KCNQ5: variants seen among roughly 807,000 people sequenced by gnomAD.
KCNQ5 encodes potassium voltage-gated channel subfamily Q member 5, also known as potassium voltage-gated channel subfamily KQT member 5.
A neutral mutation model predicts 98.2 loss-of-function variants in KCNQ5; 30 were observed. That is an observed-to-expected ratio of 0.31 (90% confidence interval 0.23 to 0.41). KCNQ5 has a LOEUF of 0.41. Among genes scored for constraint, KCNQ5 ranks in the 10% least tolerant of loss-of-function variants. The pLI is 1.00. For synonymous variants in KCNQ5, 458 were observed against 449.4 expected, an observed-to-expected ratio of 1.02 and a Z score of -0.24; for missense variants, 835 against 1,182.5, an observed-to-expected ratio of 0.71 and a Z score of 4.31.
intron 2 of KCNQ5, among the ~76,000 whole-genome samples, chr6:73,020,668 C>T (rs534549167): frequency 1.3e-5 from 2 of 152,256 alleles, no homozygotes; most frequent in African/African-American, 4.8e-5. Context: ...CTTGGTCTTT[C>T]TGGTGACCAG....
chr6:72,936,783 T>A (rs1765939757), intron 1 of KCNQ5, among the ~76,000 whole-genome samples: 1 of 152,252 alleles, frequency 6.6e-6, no homozygotes, highest in Admixed American at 6.5e-5. Flanking sequence ...ATCTGTTTCT[T>A]GCCTCCGTCT....
At chr6:72,702,446 GTT>G (rs1371892728) in intron 1 of KCNQ5, among the ~76,000 whole-genome samples, 1 of 152,118 alleles carries the variant, frequency 6.6e-6, no homozygotes. Context: ...GTATGAAAAG[GTT>G]TAGGAAACAG....
intron 3 of KCNQ5, among the ~76,000 whole-genome samples, chr6:73,042,482 A>G (rs1301611227): frequency 1.3e-5 from 2 of 152,210 alleles, no homozygotes; most frequent in Non-Finnish European, 2.9e-5. Flanking sequence ...TTTGCTCTAC[A>G]ATATGACACC....
At chr6:73,033,989 T>A (rs548732148) in intron 2 of KCNQ5, among the ~76,000 whole-genome samples, 1 of 152,214 alleles carries the variant, frequency 6.6e-6, no homozygotes. Flanking sequence ...TTAGTAAGCA[T>A]GTTTTTAGGA....
chr6:72,705,784 T>C (rs1769045975), intron 1 of KCNQ5, among the ~76,000 whole-genome samples: 1 of 152,074 alleles, frequency 6.6e-6, no homozygotes, highest in African/African-American at 2.4e-5. Context: ...CTTATTACTT[T>C]AATCTGGGAG....
intron 1 of KCNQ5, among the ~76,000 whole-genome samples, chr6:72,802,653 C>G (rs1217530732): frequency 6.6e-6 from 1 of 152,094 alleles, no homozygotes; most frequent in Non-Finnish European, 1.5e-5. Context: ...GCTTTTTGCA[C>G]ATTTCTGAAT....
At chr6:73,089,507 C>T (rs956766634) in intron 5 of KCNQ5, among the ~76,000 whole-genome samples, 25 of 152,126 alleles carry the variant, frequency 1.6e-4, no homozygotes, top group African/African-American at 6.0e-4. Flanking sequence ...GTGCACCCAT[C>T]ACCCAAGCAG....
intron 1 of KCNQ5, among the ~76,000 whole-genome samples, chr6:72,651,796 G>A (rs1765889252): frequency 6.6e-6 from 1 of 151,988 alleles, no homozygotes. Context: ...AACTCAAGGA[G>A]AGCAAGCAGA....
At chr6:73,140,481 T>C (rs1776658355) in intron 10 of KCNQ5, among the ~76,000 whole-genome samples, 1 of 152,226 alleles carries the variant, frequency 6.6e-6, no homozygotes, top group Non-Finnish European at 1.5e-5. Flanking sequence ...TTGACAGAAA[T>C]AATTCTTGTT....
At chr6:72,672,165 G>C (rs1300888461) in intron 1 of KCNQ5, among the ~76,000 whole-genome samples, 2 of 150,516 alleles carry the variant, frequency 1.3e-5, no homozygotes, top group Non-Finnish European at 3.0e-5. Context: ...ACCCTGGCTG[G>C]AGTGCAGTGA....
chr6:73,016,411 A>G (rs185656757), intron 2 of KCNQ5, among the ~76,000 whole-genome samples: 2 of 152,222 alleles, frequency 1.3e-5, no homozygotes, highest in Admixed American at 1.3e-4. Context: ...AAATTTCCTG[A>G]GAAGAGAATC....
chr6:72,906,927 A>G (rs1562060050), intron 1 of KCNQ5, among the ~76,000 whole-genome samples: 1 of 152,174 alleles, frequency 6.6e-6, no homozygotes, highest in South Asian at 2.1e-4. Context: ...ATTTGCCATG[A>G]TGGATTATTT....
At chr6:72,752,279 A>G (rs954222585) in intron 1 of KCNQ5, among the ~76,000 whole-genome samples, 4 of 152,138 alleles carry the variant, frequency 2.6e-5, no homozygotes, top group African/African-American at 9.7e-5. Context: ...GCTATGTGCA[A>G]GGAGATAAAG....
chr6:72,675,744 T>C (rs1182503565), intron 1 of KCNQ5, among the ~76,000 whole-genome samples: 1 of 152,236 alleles, frequency 6.6e-6, no homozygotes, highest in African/African-American at 2.4e-5. Context: ...CTTATTTCAC[T>C]CTAGATTCTT....
Position 73,046,356 on chromosome 6 carries a change from T to A in KCNQ5, c.616+4294T>A, listed in dbSNP as rs192115372. Among the ~76,000 whole-genome samples the A allele has an allele frequency of 5.9e-5, 9 of 152,268 alleles. No individual in the cohort carries two copies. In the East Asian group the frequency reaches 1.5e-3, roughly 26 times the overall value. ...ACTTATTACTTCTAAGTGTTCAAAC[T>A]CCCTCAGTGCATGTAGATTCCTTCC... On this transcript the variant is annotated intron_variant, in intron 3 of 13. Coordinates refer to ENST00000370398, the MANE Select transcript of KCNQ5 (RefSeq NM_019842.4).
At chr6:72,687,969 G>C (rs1768041065) in intron 1 of KCNQ5, among the ~76,000 whole-genome samples, 1 of 151,680 alleles carries the variant, frequency 6.6e-6, no homozygotes, top group African/African-American at 2.4e-5. Flanking sequence ...CTCCCAAGTA[G>C]CTGGGACTAC....
chr6:73,078,414 A>G (rs544049980), intron 5 of KCNQ5, among the ~76,000 whole-genome samples: 1 of 152,166 alleles, frequency 6.6e-6, no homozygotes, highest in South Asian at 2.1e-4. Flanking sequence ...TTATATTATT[A>G]AAGAATAATT....
chr6:73,105,705 A>G (rs909029165), intron 6 of KCNQ5, among the ~76,000 whole-genome samples: 3 of 152,170 alleles, frequency 2.0e-5, no homozygotes, highest in Middle Eastern at 3.2e-3. Context: ...GATCCTTCCA[A>G]TTTGGTTTAT....
intron 1 of KCNQ5, among the ~76,000 whole-genome samples, chr6:72,731,801 G>A (rs999314491): frequency 6.6e-6 from 1 of 152,116 alleles, no homozygotes; most frequent in Non-Finnish European, 1.5e-5. Flanking sequence ...TGGATTTTGG[G>A]GAGACAACTT....
Sources: gnomAD v4.1 joint callset for allele counts (sites outside exome capture counted in the v4.1 genomes callset) on GRCh38, gnomAD v4.1.1 for gene constraint, MANE v1.5 for transcripts, NCBI Gene and HGNC (gene_info 2026-07-23, HGNC 2026-07-21) for gene names.